The following GULP1 variants were observed in gnomAD, a reference collection of about 807,000 sequenced individuals.
GULP1 encodes PTB domain-containing engulfment adapter protein 1.
A neutral mutation model predicts 40.9 loss-of-function variants in GULP1; 19 were observed. The observed-to-expected ratio is 0.46, with a 90% CI of 0.32 to 0.68. The LOEUF (loss-of-function observed/expected upper bound fraction) is 0.68, where lower values mean the gene tolerates loss of function less well. Ranked by LOEUF, GULP1 falls within the 30% of genes least tolerant of loss-of-function variation. GULP1 has a pLI of 0.03. For missense variants in GULP1, 312 were observed against 362.2 expected, an observed-to-expected ratio of 0.86 and a Z score of 1.12; for synonymous variants, 119 against 117.6, an observed-to-expected ratio of 1.01 and a Z score of -0.08.
intron 2 of GULP1, among the ~76,000 whole-genome samples, chr2:188,462,958 A>G (rs980402665): frequency 6.6e-6 from 1 of 151,964 alleles, no homozygotes; most frequent in African/African-American, 2.4e-5. Flanking sequence ...GTTACTACTT[A>G]TATCTTATTG....
At chr2:188,567,840 G>T (rs1221354959) in intron 7 of GULP1, among the ~76,000 whole-genome samples, 3 of 152,070 alleles carry the variant, frequency 2.0e-5, no homozygotes, top group Non-Finnish European at 4.4e-5. Context: ...GTTTTGAAAT[G>T]AGAAACAGAA....
intron 1 of GULP1, among the ~76,000 whole-genome samples, chr2:188,364,344 C>T (rs1306156967): frequency 6.6e-6 from 1 of 152,108 alleles, no homozygotes; most frequent in Non-Finnish European, 1.5e-5. Flanking sequence ...AGAGAATTCA[C>T]AGTGGAAAGT....
chr2:188,434,410 T>G (rs546475029), intron 2 of GULP1, among the ~76,000 whole-genome samples: 2 of 151,906 alleles, frequency 1.3e-5, no homozygotes, highest in South Asian at 4.1e-4. Flanking sequence ...TTGCCCAAGT[T>G]TACAACATAC....
At chr2:188,513,092 G>A (rs928300439) in intron 4 of GULP1, among the ~76,000 whole-genome samples, 1 of 151,928 alleles carries the variant, frequency 6.6e-6, no homozygotes, top group Admixed American at 6.6e-5. Context: ...TACATGGGGT[G>A]GAGTATTTAT....
intron 1 of GULP1, among the ~76,000 whole-genome samples, chr2:188,364,699 ATGTG>A (rs144008194): frequency 2.0e-4 from 26 of 132,590 alleles, no homozygotes; most frequent in Non-Finnish European, 4.0e-4. Flanking sequence ...TGGGATATGT[ATGTG>A]TGTGTGTGTG....
intron 1 of GULP1, among the ~76,000 whole-genome samples, chr2:188,311,066 T>C (rs1205709666): frequency 6.6e-6 from 1 of 152,188 alleles, no homozygotes; most frequent in Non-Finnish European, 1.5e-5. Context: ...TGAAATTGAA[T>C]AGAGATTTCA....
chr2:188,432,463 GT>G (rs573763436), intron 2 of GULP1, among the ~76,000 whole-genome samples: 1 of 151,598 alleles, frequency 6.6e-6, no homozygotes, highest in South Asian at 2.1e-4. Flanking sequence ...TAAATATATG[GT>G]TTTTAAATTG....
At chr2:188,496,400 A>C (rs750826905) in intron 4 of GULP1, among the ~76,000 whole-genome samples, 25 of 151,960 alleles carry the variant, frequency 1.6e-4, no homozygotes, top group Non-Finnish European at 3.2e-4. Flanking sequence ...TGGCGAGGAG[A>C]TGATGGAATA....
At chr2:188,421,085 G>A (rs546615041) in intron 2 of GULP1, among the ~76,000 whole-genome samples, 1 of 152,158 alleles carries the variant, frequency 6.6e-6, no homozygotes, top group Admixed American at 6.5e-5. Context: ...AAGAAATAAA[G>A]GCATCCAAAT....
At position 188,475,450 on chromosome 2, in the gene GULP1, A is replaced by AT. The variant is rs965968284; in HGVS notation, c.-44-2202dup. Among the ~76,000 whole-genome samples the AT allele has an allele frequency of 2.0e-5, 3 of 151,488 alleles. No homozygotes were observed. The East Asian group carries it at 5.8e-4, about 29-fold the overall frequency. ...TATGCCCCCAAGTTGTTTATATTTTATTTTTTTAATTTAAAAGCCACGCTA... is the reference window on the plus strand; with the variant it reads ...TATGCCCCCAAGTTGTTTATATTTTATTTTTTTTAATTTAAAAGCCACGCTA... On this transcript the variant is annotated intron_variant, in intron 2 of 11. Transcript: ENST00000409830.
chr2:188,449,328 C>A, intron 2 of GULP1, among the ~76,000 whole-genome samples: 1 of 152,120 alleles, frequency 6.6e-6, no homozygotes, highest in East Asian at 1.9e-4. Context: ...TCAGTGGGTT[C>A]TGTTTTACTA....
intron 1 of GULP1, chr2:188,297,374 A>T (rs2035194841): frequency 4.8e-6 from 2 of 417,078 alleles, no homozygotes; most frequent in African/African-American, 2.2e-5. Flanking sequence ...GAAGTTAGAT[A>T]CTACTGATAA....
In GULP1 at chr2:188,522,832, G is replaced by A. The variant is rs770628796; in HGVS notation, c.162+5G>A. 6.3e-7 allele frequency: 1 copy of A among 1,574,842 alleles called. No individual in the cohort carries two copies. Reference sequence around the variant, plus strand: ...GATGCTGTAAGGAAACTAAAGGTAGGGAAAGGCCTTCAAATAAATTACAAG... The same window carrying A: ...GATGCTGTAAGGAAACTAAAGGTAGAGAAAGGCCTTCAAATAAATTACAAG... On this transcript the variant is annotated splice_donor_5th_base_variant and intron_variant, in intron 5 of 11. Coordinates refer to ENST00000409830, the MANE Select transcript of GULP1 (RefSeq NM_016315.4).
intron 1 of GULP1, among the ~76,000 whole-genome samples, chr2:188,361,048 C>T (rs11695922): frequency 6.6e-6 from 1 of 152,024 alleles, no homozygotes; most frequent in East Asian, 1.9e-4. Flanking sequence ...CACTGCATTG[C>T]GTAATATTGC....
intron 1 of GULP1, among the ~76,000 whole-genome samples, chr2:188,332,348 C>A (rs766993354): frequency 6.6e-6 from 1 of 152,110 alleles, no homozygotes; most frequent in South Asian, 2.1e-4. Context: ...TGCCACCACA[C>A]CTGGCTAATT....
In GULP1 at chr2:188,477,650, CTT is replaced by C. The variant is rs2061121242; in HGVS notation, c.-44-6_-44-5del. 1.4e-6 allele frequency: 2 copies of C among 1,464,898 alleles called. No homozygotes were observed. The highest frequency in any genetic ancestry group is 3.9e-5 in the Admixed American group (2 of 50,750). 90.7% of individuals were successfully genotyped at this position (1,464,898 alleles called of 1,614,324 possible). A position where few individuals can be genotyped will look rare whatever the true frequency, so the allele number is the denominator to read the frequency against. On this transcript the variant is annotated splice_polypyrimidine_tract_variant and splice_region_variant and intron_variant, in intron 2 of 11. Coordinates refer to ENST00000409830, the MANE Select transcript of GULP1 (RefSeq NM_016315.4). Reference sequence around the variant, plus strand: ...TTGTTTATGTTTTAATATTTTGTCACTTTTACAGGATTTAAGTCGTGGAACTG... The same window carrying C: ...TTGTTTATGTTTTAATATTTTGTCACTTACAGGATTTAAGTCGTGGAACTG...
chr2:188,312,014 T>G (rs1027136137), intron 1 of GULP1, among the ~76,000 whole-genome samples: 1 of 151,804 alleles, frequency 6.6e-6, no homozygotes, highest in African/African-American at 2.4e-5. Context: ...AATACAGCAT[T>G]AATATAGACT....
At position 188,595,407 on chromosome 2, in the gene GULP1, A is replaced by G. The variant is rs1576356131; in HGVS notation, c.*1396A>G. On this transcript the variant is annotated 3_prime_UTR_variant, in exon 12 of 12. Transcript: ENST00000409830. ...CTAGGAAAAGAAATCAAATATGCTTATGCAATATATATTTGTGTGTTTTTC... is the reference window on the plus strand; with the variant it reads ...CTAGGAAAAGAAATCAAATATGCTTGTGCAATATATATTTGTGTGTTTTTC... The G allele has an allele frequency of 6.6e-6, 1 of 152,312 alleles. No individual in the cohort carries two copies. Among genetic ancestry groups the G allele is most frequent in the Middle Eastern group, 3.4e-3 (1 of 294 alleles). 9.4% of individuals were successfully genotyped at this position (152,312 alleles called of 1,614,324 possible). A position where few individuals can be genotyped will look rare whatever the true frequency, so the allele number is the denominator to read the frequency against.
chr2:188,553,474 GTA>G (rs1235264720), intron 7 of GULP1, among the ~76,000 whole-genome samples: 6 of 151,892 alleles, frequency 4.0e-5, no homozygotes, highest in Non-Finnish European at 8.8e-5. Flanking sequence ...TTACTGATTT[GTA>G]TATGTTGAAC....
Sources: gnomAD v4.1 joint callset for allele counts (sites outside exome capture counted in the v4.1 genomes callset) on GRCh38, gnomAD v4.1.1 for gene constraint, MANE v1.5 for transcripts, NCBI Gene and HGNC (gene_info 2026-07-23, HGNC 2026-07-21) for gene names.